The following GCNT2 variants were observed in gnomAD, a reference collection of about 807,000 sequenced individuals.
The protein encoded by GCNT2 is N-acetyllactosaminide beta-1,6-N-acetylglucosaminyl-transferase.
In GCNT2, 34 loss-of-function variants were observed where a neutral mutation model predicts 34.2. The ratio of observed to expected loss-of-function variants is 1.00; its 90% confidence interval spans 0.76 to 1.32. The LOEUF (loss-of-function observed/expected upper bound fraction) is 1.32, where lower values mean the gene tolerates loss of function less well. Among genes scored for constraint, GCNT2 ranks in the 40% most tolerant of loss-of-function variants. GCNT2 has a pLI of 0.00. For missense variants in GCNT2, 584 were observed against 489.4 expected, an observed-to-expected ratio of 1.19 and a Z score of -1.82; for synonymous variants, 212 against 188.0, an observed-to-expected ratio of 1.13 and a Z score of -1.04.
intron 3 of GCNT2, among the ~76,000 whole-genome samples, chr6:10,574,555 G>C (rs1390417736): frequency 6.6e-6 from 1 of 152,082 alleles, no homozygotes; most frequent in East Asian, 1.9e-4. Context: ...GAAATTATAG[G>C]TGATTGTAAA....
At position 10,529,642 on chromosome 6, in the gene GCNT2, T is replaced by C; in HGVS notation, c.731T>C (p.Val244Ala). 1 of 1,613,764 alleles carries C rather than the reference T, an allele frequency of 6.2e-7. No individual in the cohort carries two copies. Among genetic ancestry groups the C allele is most frequent in the Non-Finnish European group, 8.5e-7 (1 of 1,179,892 alleles). The change falls in exon 3 of 5, where the codon GTG becomes GCG. Residue 244 changes from valine to alanine, a missense_variant. Coordinates refer to ENST00000495262, the MANE Select transcript of GCNT2 (RefSeq NM_145649.5). Reference protein sequence around the residue: ...QELLNHKNSYVIKTTKLKTPP... With the variant: ...QELLNHKNSYAIKTTKLKTPP... ...CTGTTAAACCACAAAAATTCCTACG[T>C]GATTAAAACAACAAAATTAAAAACT...
chr6:10,538,437 A>ATATAT (rs57612140), intron 3 of GCNT2, among the ~76,000 whole-genome samples: 2 of 73,340 alleles, frequency 2.7e-5, no homozygotes, highest in African/African-American at 1.2e-4. Context: ...AAAAAAAAAA[A>ATATAT]ATATATATAT....
chr6:10,603,882 G>GGTTT (rs1765191601), intron 3 of GCNT2, among the ~76,000 whole-genome samples: 1 of 111,966 alleles, frequency 8.9e-6, no homozygotes, highest in Non-Finnish European at 2.0e-5. Context: ...TTTGTTTTTT[G>GGTTT]GTTTGTTGTT....
In GCNT2 at chr6:10,527,538, A is replaced by G. The variant is rs948478583; in HGVS notation, c.-404A>G. On this transcript the variant is annotated 5_prime_UTR_variant, in exon 2 of 5. Transcript: ENST00000495262. ...CGGCGCCAATGGAACATGCTTTCAC[A>G]CCGGGTGCAGCTAACCACCACATCA... is the stretch of plus-strand genomic sequence containing the variant. 6.6e-6 allele frequency: 1 copy of G among 152,222 alleles called. No individual in the cohort carries two copies. The highest frequency in any genetic ancestry group is 2.4e-5 in the African/African-American group (1 of 41,458). The allele number at this position is 152,222 out of a possible 1,614,324, so 9.4% of individuals were successfully genotyped here. A position where few individuals can be genotyped will look rare whatever the true frequency, so the allele number is the denominator to read the frequency against.
At chr6:10,536,576 G>C (rs1761764385) in intron 3 of GCNT2, among the ~76,000 whole-genome samples, 2 of 151,730 alleles carry the variant, frequency 1.3e-5, no homozygotes, top group African/African-American at 4.8e-5. Flanking sequence ...GGATGGTGTT[G>C]ATCTCTTGAC....
intron 3 of GCNT2, among the ~76,000 whole-genome samples, chr6:10,613,663 G>A (rs988611918): frequency 3.3e-5 from 5 of 152,190 alleles, no homozygotes; most frequent in Admixed American, 2.6e-4. Flanking sequence ...AAATTAACAA[G>A]TGCATCGCAT....
At chr6:10,531,721 T>C (rs912659813) in intron 3 of GCNT2, among the ~76,000 whole-genome samples, 1 of 152,104 alleles carries the variant, frequency 6.6e-6, no homozygotes, top group African/African-American at 2.4e-5. Flanking sequence ...AGAATTGTAG[T>C]GTCCAGAGTA....
At chr6:10,591,807 C>A (rs1471477350) in intron 3 of GCNT2, among the ~76,000 whole-genome samples, 5 of 152,130 alleles carry the variant, frequency 3.3e-5, no homozygotes, top group East Asian at 1.9e-4. Context: ...TAAGAAGAGA[C>A]AACAATAGAA....
intron 3 of GCNT2, chr6:10,555,604 A>C (rs1228600893): frequency 3.7e-6 from 1 of 270,670 alleles, no homozygotes; most frequent in African/African-American, 2.3e-5. Context: ...CAGTATTCTA[A>C]GACAAACACC....
At chr6:10,626,279 C>T (rs1211490466) in intron 4 of GCNT2, 138 bp from the exon 5 acceptor site, 2 of 720,528 alleles carry the variant, frequency 2.8e-6, no homozygotes, top group African/African-American at 3.5e-5. Flanking sequence ...GCTGAGACTG[C>T]ACAATCATAT....
chr6:10,535,921 C>A (rs898257661), intron 3 of GCNT2, among the ~76,000 whole-genome samples: 1 of 152,150 alleles, frequency 6.6e-6, no homozygotes, highest in Non-Finnish European at 1.5e-5. Context: ...ATTGGATATT[C>A]CATGGCAGGC....
At chr6:10,581,490 G>T (rs561603104) in intron 3 of GCNT2, among the ~76,000 whole-genome samples, 1 of 151,954 alleles carries the variant, frequency 6.6e-6, no homozygotes, top group South Asian at 2.1e-4. Context: ...GGCTGGTCTC[G>T]AACTCCCAAC....
Position 10,573,276 on chromosome 6 carries a change from C to G in GCNT2, c.925+43440C>G, listed in dbSNP as rs1561809882. On this transcript the variant is annotated intron_variant, in intron 3 of 4. Coordinates refer to ENST00000495262, the MANE Select transcript of GCNT2 (RefSeq NM_145649.5). Reference sequence around the variant, plus strand: ...AGAGAAAAGTTGTTGTGCAGAAAGACAAATAGTTACCTACGCTGTTCCTTG... The same window carrying G: ...AGAGAAAAGTTGTTGTGCAGAAAGAGAAATAGTTACCTACGCTGTTCCTTG... 4.1e-6 allele frequency: 4 copies of G among 984,948 alleles called. No individual in the cohort carries two copies. In the East Asian group the frequency reaches 3.4e-4, roughly 84 times the overall value. 61.0% of individuals were successfully genotyped at this position (984,948 alleles called of 1,614,324 possible).
intron 3 of GCNT2, among the ~76,000 whole-genome samples, chr6:10,616,831 G>A (rs1434249455): frequency 6.6e-6 from 1 of 152,128 alleles, no homozygotes; most frequent in East Asian, 1.9e-4. Flanking sequence ...GACACAGAGT[G>A]CCAATTGGTG....
At chr6:10,525,794 T>C (rs1761153616) in intron 1 of GCNT2, among the ~76,000 whole-genome samples, 1 of 152,118 alleles carries the variant, frequency 6.6e-6, no homozygotes, top group African/African-American at 2.4e-5. Context: ...GAGCACAAAA[T>C]ACAAGTGTTC....
At chr6:10,524,217 G>A (rs1036366583) in intron 1 of GCNT2, among the ~76,000 whole-genome samples, 5 of 151,340 alleles carry the variant, frequency 3.3e-5, no homozygotes, top group African/African-American at 1.2e-4. Context: ...GAGTGGCCTT[G>A]GTCCACGGAA....
chr6:10,604,116 C>T (rs1055646878), intron 3 of GCNT2, among the ~76,000 whole-genome samples: 6 of 151,254 alleles, frequency 4.0e-5, no homozygotes, highest in African/African-American at 7.3e-5. Context: ...AGCATGGTCT[C>T]GATCTCCTGA....
At chr6:10,552,934 C>G (rs1298405671) in intron 3 of GCNT2, among the ~76,000 whole-genome samples, 1 of 152,150 alleles carries the variant, frequency 6.6e-6, no homozygotes, top group Non-Finnish European at 1.5e-5. Flanking sequence ...ACAGTTTCAC[C>G]CCATTTACCT....
chr6:10,521,942 C>G (rs755232067), intron 1 of GCNT2, among the ~76,000 whole-genome samples: 1 of 151,730 alleles, frequency 6.6e-6, no homozygotes, highest in Non-Finnish European at 1.5e-5. Context: ...CTCTGTCACC[C>G]AGGCGAGAGT....
Sources: allele counts gnomAD v4.1 joint callset (sites outside exome capture counted in the v4.1 genomes callset), GRCh38; gene constraint gnomAD v4.1.1; transcripts MANE v1.5; gene names NCBI Gene and HGNC (gene_info 2026-07-23, HGNC 2026-07-21).